IQGAP1: variants seen among roughly 807,000 people sequenced by gnomAD.
IQGAP1 encodes the protein IQ motif containing GTPase activating protein 1.
In IQGAP1, 66 loss-of-function variants were observed where a neutral mutation model predicts 215.6. That is an observed-to-expected ratio of 0.31 (90% CI 0.25 to 0.38). The LOEUF (loss-of-function observed/expected upper bound fraction) is 0.38, where lower values mean the gene tolerates loss of function less well. Among genes scored for constraint, IQGAP1 ranks in the 10% least tolerant of loss-of-function variants. IQGAP1 has a pLI of 1.00. For missense variants in IQGAP1, 1,712 were observed against 1,997.1 expected, an observed-to-expected ratio of 0.86 and a Z score of 2.72; for synonymous variants, 772 against 728.7, an observed-to-expected ratio of 1.06 and a Z score of -0.96.
At chr15:90,465,536 G>A (rs1327493114) in intron 15 of IQGAP1, among the ~76,000 whole-genome samples, 2 of 151,958 alleles carry the variant, frequency 1.3e-5, no homozygotes, top group Non-Finnish European at 1.5e-5. Context: ...TTTGGAGACC[G>A]GTCTATACTC....
chr15:90,476,566 C>T, intron 23 of IQGAP1, 97 bp from the exon 24 acceptor site: 4 of 876,888 alleles, frequency 4.6e-6, no homozygotes, highest in South Asian at 4.1e-5. Context: ...TGCAGTACAC[C>T]TTCATGTGAG....
At chr15:90,490,698 G>A (rs1966190987) in intron 33 of IQGAP1, among the ~76,000 whole-genome samples, 1 of 151,952 alleles carries the variant, frequency 6.6e-6, no homozygotes. Context: ...GTCTCAAAAT[G>A]TGGTAGAGAA....
intron 2 of IQGAP1, among the ~76,000 whole-genome samples, chr15:90,423,694 C>T (rs894142708): frequency 6.6e-6 from 1 of 152,210 alleles, no homozygotes; most frequent in Admixed American, 6.5e-5. Context: ...TATTCTAGCT[C>T]ATTCTTTCTG....
At chr15:90,487,871 T>G (rs1966149516) in intron 33 of IQGAP1, among the ~76,000 whole-genome samples, 1 of 151,990 alleles carries the variant, frequency 6.6e-6, no homozygotes, top group Non-Finnish European at 1.5e-5. Context: ...CAGCACCCAT[T>G]CTCCCCACCC....
chr15:90,430,424 A>G (rs1411678529), intron 4 of IQGAP1, among the ~76,000 whole-genome samples: 1 of 152,206 alleles, frequency 6.6e-6, no homozygotes, highest in Non-Finnish European at 1.5e-5. Flanking sequence ...TGTATACAGA[A>G]GGATTTTTTA....
chr15:90,434,949 A>G (rs904818076), intron 5 of IQGAP1, among the ~76,000 whole-genome samples: 7 of 152,262 alleles, frequency 4.6e-5, no homozygotes, highest in African/African-American at 1.7e-4. Flanking sequence ...CATGAGTGAG[A>G]TATTTGCTTG....
chr15:90,433,077 C>G lies in IQGAP1; in HGVS notation c.391-642C>G, dbSNP rs572764579. The stretch of plus-strand genomic sequence containing the variant: ...TGTGGCTTATAGTCTGTTGGAGTAG[C>G]CAAACAGATAAACACAAATGATCGA... On this transcript the variant is annotated intron_variant, in intron 4 of 37. Coordinates refer to ENST00000268182, the MANE Select transcript of IQGAP1 (RefSeq NM_003870.4). Among the ~76,000 whole-genome samples the G allele has an allele frequency of 1.2e-4, 19 of 152,234 alleles. 3 individuals are homozygous for G. In the South Asian group the frequency reaches 3.7e-3, roughly 30 times the overall value.
At chr15:90,482,547 G>T (rs1284730191) in intron 28 of IQGAP1, among the ~76,000 whole-genome samples, 1 of 152,124 alleles carries the variant, frequency 6.6e-6, no homozygotes, top group Non-Finnish European at 1.5e-5. Context: ...CTATCTTTTC[G>T]CTGTAGTATT....
rs763977562 is a variant in IQGAP1 at position 90,399,440 on chromosome 15, A to T, written c.155+8567A>T. On this transcript the variant is annotated intron_variant, in intron 2 of 37. Transcript: ENST00000268182. ...TATGTGCCTGGCTTCTAGGGTCATG[A>T]TGTTAACTTTTGTGAGCTCTTTTAT... Among the ~76,000 whole-genome samples the T allele has an allele frequency of 7.8e-4, 119 of 152,182 alleles. 1 individual carries two copies. Among genetic ancestry groups the T allele is most frequent in the Middle Eastern group, 3.4e-3 (1 of 294 alleles).
intron 12 of IQGAP1, 27 bp from the exon 13 acceptor site, chr15:90,453,105 T>G: frequency 6.3e-7 from 1 of 1,583,758 alleles, no homozygotes; most frequent in East Asian, 2.2e-5. Context: ...TTCCTCACTG[T>G]TTTCCCTTCT....
chr15:90,443,646 T>G (rs1965483683), intron 9 of IQGAP1, among the ~76,000 whole-genome samples, 168 bp downstream of exon 9: 1 of 152,222 alleles, frequency 6.6e-6, no homozygotes, highest in Non-Finnish European at 1.5e-5. Flanking sequence ...TGCCTCCGTT[T>G]TAATTATTTA....
chr15:90,459,477 A>C (rs1965731656), intron 15 of IQGAP1, among the ~76,000 whole-genome samples: 1 of 152,224 alleles, frequency 6.6e-6, no homozygotes, highest in East Asian at 1.9e-4. Context: ...ATAATTCAAA[A>C]GGCTGTGTGT....
At chr15:90,466,177 G>A (rs1413798690) in intron 16 of IQGAP1, 86 bp downstream of exon 16, 20 of 1,570,440 alleles carry the variant, frequency 1.3e-5, no homozygotes, top group Non-Finnish European at 1.7e-5. Flanking sequence ...AGGTATGGGG[G>A]AACAATTTGC....
Position 90,388,319 on chromosome 15 carries a change from G to T in IQGAP1, c.-23G>T, listed in dbSNP as rs539756102. 1.5e-5 allele frequency: 24 copies of T among 1,597,580 alleles called. No individual in the cohort carries two copies. The highest frequency in any genetic ancestry group is 2.0e-5 in the Non-Finnish European group (24 of 1,173,514). ...CCTCCAAGGTTTCACGGCTTCCTCAGCAGAGACTCGGGCTCGTCCGCCATG... is the reference window on the plus strand; with the variant it reads ...CCTCCAAGGTTTCACGGCTTCCTCATCAGAGACTCGGGCTCGTCCGCCATG... On this transcript the variant is annotated 5_prime_UTR_variant, in exon 1 of 38. Coordinates refer to ENST00000268182, the MANE Select transcript of IQGAP1 (RefSeq NM_003870.4).
chr15:90,467,649 A>T, intron 18 of IQGAP1, 57 bp downstream of exon 18: 1 of 1,525,100 alleles, frequency 6.6e-7, no homozygotes, highest in Admixed American at 2.0e-5. Flanking sequence ...TCAAGCTATA[A>T]TATTAATTAA....
chr15:90,475,722 C>G (rs370464301), intron 23 of IQGAP1: 1 of 140,930 alleles, frequency 7.1e-6, no homozygotes, highest in Admixed American at 7.5e-5. Flanking sequence ...GACTGCACTC[C>G]GGACTGGGTG....
intron 28 of IQGAP1, 135 bp from the exon 29 acceptor site, chr15:90,483,204 AGTGTGTATATGTGCATGCATGC>A: frequency 1.7e-6 from 1 of 594,048 alleles, no homozygotes; most frequent in Non-Finnish European, 3.0e-6. Context: ...CATGAGAGAG[AGTGTGTATATGTGCATGCATGC>A]GTGTGTATAT....
At position 90,487,086 on chromosome 15, in the gene IQGAP1, T is replaced by C; in HGVS notation, c.4157T>C (p.Leu1386Pro). 1.2e-6 allele frequency: 2 copies of C among 1,613,938 alleles called. No individual in the cohort carries two copies. Among genetic ancestry groups the C allele is most frequent in the Non-Finnish European group, 1.7e-6 (2 of 1,179,938 alleles). ...GAAATGGATGCTCGAACCATCTTAC[T>C]GAAGTGAGTATCAAAAGAAGGAAGA... Reference protein sequence around the residue: ...NAEMDARTILLNTKRLIVDVI... With the variant: ...NAEMDARTILPNTKRLIVDVI... Residue 1386 changes from leucine to proline, a missense_variant, in exon 32 of 38, where the codon CTG (leucine) becomes CCG (proline). Transcript: ENST00000268182.
chr15:90,495,391 A>G (rs1966257990), intron 36 of IQGAP1, among the ~76,000 whole-genome samples: 1 of 151,160 alleles, frequency 6.6e-6, no homozygotes, highest in South Asian at 2.1e-4. Context: ...GGGAAAAAAA[A>G]CAACTTTTAA....
Sources: gnomAD v4.1 joint callset for allele counts (sites outside exome capture counted in the v4.1 genomes callset) on GRCh38, gnomAD v4.1.1 for gene constraint, MANE v1.5 for transcripts, NCBI Gene and HGNC (gene_info 2026-07-23, HGNC 2026-07-21) for gene names.